FHIT: variants seen among roughly 807,000 people sequenced by gnomAD.
The protein encoded by FHIT is fragile histidine triad diadenosine triphosphatase, also known as bis(5'-adenosyl)-triphosphatase.
Under a neutral mutation model 17.9 loss-of-function variants are expected in FHIT, and 19 were observed. That is an observed-to-expected ratio of 1.06 (90% CI 0.74 to 1.56). FHIT has a LOEUF of 1.56. Among genes scored for constraint, FHIT ranks in the 40% most tolerant of loss-of-function variants. The pLI is 0.00. For missense variants in FHIT, 248 were observed against 189.2 expected, an observed-to-expected ratio of 1.31 and a Z score of -1.82; for synonymous variants, 81 against 69.7, an observed-to-expected ratio of 1.16 and a Z score of -0.81.
At chr3:59,868,774 G>T (rs1702775485) in intron 8 of FHIT, among the ~76,000 whole-genome samples, 1 of 152,190 alleles carries the variant, frequency 6.6e-6, no homozygotes. Flanking sequence ...GGAGGAAGTA[G>T]ATGGTTTTAA....
rs540110352 is a variant in FHIT, at chr3:60,670,533, A to G, written c.-17-133554T>C. 2.0e-5 allele frequency among the ~76,000 whole-genome samples: 3 copies of G among 152,318 alleles called. No individual in the cohort carries two copies. In the East Asian group the frequency reaches 5.8e-4, roughly 29 times the overall value. On this transcript the variant is annotated intron_variant, in intron 4 of 9. Coordinates refer to ENST00000492590, the MANE Select transcript of FHIT (RefSeq NM_002012.4). ...GTACATTCTATGTAGAGGATTTTCCATTACTGGTTACACTTAATACACAGG... is the reference window on the plus strand; with the variant it reads ...GTACATTCTATGTAGAGGATTTTCCGTTACTGGTTACACTTAATACACAGG...
chr3:60,529,582 C>T (rs78569995), intron 5 of FHIT, among the ~76,000 whole-genome samples: 2,551 of 152,210 alleles, frequency 0.017, 33 homozygotes, highest in Non-Finnish European at 0.024. Flanking sequence ...TTAGCAAGTG[C>T]GATGCCTGCA....
At chr3:60,390,164 A>C (rs1701163170) in intron 5 of FHIT, among the ~76,000 whole-genome samples, 1 of 152,156 alleles carries the variant, frequency 6.6e-6, no homozygotes, top group Non-Finnish European at 1.5e-5. Context: ...CACTTGTTTT[A>C]AATTTGTCAA....
At chr3:60,628,437 C>G (rs1442848350) in intron 4 of FHIT, among the ~76,000 whole-genome samples, 1 of 152,144 alleles carries the variant, frequency 6.6e-6, no homozygotes, top group Non-Finnish European at 1.5e-5. Context: ...TCTGATATTT[C>G]TGTTGTCTGC....
chr3:60,625,430 T>C (rs1035501362), intron 4 of FHIT, among the ~76,000 whole-genome samples: 4 of 152,180 alleles, frequency 2.6e-5, no homozygotes, highest in Non-Finnish European at 5.9e-5. Context: ...AGTTCCTCTA[T>C]GTCTTCTTTT....
At chr3:60,946,519 G>A (rs1575734334) in intron 3 of FHIT, among the ~76,000 whole-genome samples, 1 of 152,172 alleles carries the variant, frequency 6.6e-6, no homozygotes, top group East Asian at 1.9e-4. Flanking sequence ...ATATTTGCAA[G>A]TGAGAAACTC....
chr3:60,431,883 C>T (rs374823739), intron 5 of FHIT, among the ~76,000 whole-genome samples: 3 of 152,172 alleles, frequency 2.0e-5, no homozygotes, highest in African/African-American at 7.2e-5. Flanking sequence ...TGGTCTCCTG[C>T]ATAGTTTTAT....
At chr3:59,984,821 G>C (rs1023785100) in intron 7 of FHIT, among the ~76,000 whole-genome samples, 7 of 152,054 alleles carry the variant, frequency 4.6e-5, no homozygotes, top group Non-Finnish European at 8.8e-5. Context: ...ACAACTGGGC[G>C]GGGCAGGGGC....
chr3:61,216,821 A>T (rs1459425192), intron 1 of FHIT, among the ~76,000 whole-genome samples: 1 of 152,236 alleles, frequency 6.6e-6, no homozygotes, highest in African/African-American at 2.4e-5. Context: ...TCCATAAAAA[A>T]TGATGAGTTC....
chr3:60,381,292 G>C (rs1413001695), intron 5 of FHIT, among the ~76,000 whole-genome samples: 1 of 151,850 alleles, frequency 6.6e-6, no homozygotes, highest in Non-Finnish European at 1.5e-5. Flanking sequence ...AGCCTCGCCA[G>C]CATGTTGAAA....
At chr3:59,814,902 T>C (rs1257341935) in intron 8 of FHIT, among the ~76,000 whole-genome samples, 1 of 152,128 alleles carries the variant, frequency 6.6e-6, no homozygotes. Context: ...AAATATAAGA[T>C]CATTGCACTG....
At chr3:61,170,680 C>T (rs1309809114) in intron 2 of FHIT, among the ~76,000 whole-genome samples, 6 of 152,122 alleles carry the variant, frequency 3.9e-5, no homozygotes, top group African/African-American at 7.2e-5. Flanking sequence ...CATCTCCATC[C>T]GTGTTCCTGC....
At chr3:61,088,557 G>A (rs989573323) in intron 2 of FHIT, among the ~76,000 whole-genome samples, 1 of 152,068 alleles carries the variant, frequency 6.6e-6, no homozygotes, top group Non-Finnish European at 1.5e-5. Flanking sequence ...AATTTTGCAA[G>A]GCAAGTCATC....
chr3:60,138,049 T>C (rs138547577), intron 5 of FHIT, among the ~76,000 whole-genome samples: 9 of 152,298 alleles, frequency 5.9e-5, no homozygotes, highest in African/African-American at 1.9e-4. Context: ...GCAGTAAATA[T>C]CCATTTTAAA....
At chr3:60,464,515 C>T (rs2032672325) in intron 5 of FHIT, among the ~76,000 whole-genome samples, 1 of 151,876 alleles carries the variant, frequency 6.6e-6, no homozygotes, top group Non-Finnish European at 1.5e-5. Flanking sequence ...CCCCAACTAC[C>T]CTTCCCAGCT....
chr3:60,526,604 T>C (rs923385926), intron 5 of FHIT, among the ~76,000 whole-genome samples: 55 of 152,304 alleles, frequency 3.6e-4, no homozygotes, highest in African/African-American at 1.3e-3. Flanking sequence ...CTTGCTCTGC[T>C]ACTACAGGCC....
intron 5 of FHIT, among the ~76,000 whole-genome samples, chr3:60,354,781 C>T (rs191529088): frequency 1.3e-4 from 20 of 152,194 alleles, no homozygotes; most frequent in African/African-American, 4.6e-4. Flanking sequence ...TAAATATAAA[C>T]CATTATCTTA....
intron 5 of FHIT, among the ~76,000 whole-genome samples, chr3:60,068,542 A>C (rs1702621339): frequency 6.6e-6 from 1 of 152,232 alleles, no homozygotes; most frequent in Non-Finnish European, 1.5e-5. Flanking sequence ...TACAAATGGC[A>C]GGGAAGTGGT....
At chr3:60,592,541 G>T (rs1438529228) in intron 4 of FHIT, among the ~76,000 whole-genome samples, 5 of 152,066 alleles carry the variant, frequency 3.3e-5, no homozygotes, top group African/African-American at 4.8e-5. Context: ...CCTCTGTGAT[G>T]GTTCTTATTC....
Sources: gnomAD v4.1 joint callset for allele counts (sites outside exome capture counted in the v4.1 genomes callset) on GRCh38, gnomAD v4.1.1 for gene constraint, MANE v1.5 for transcripts, NCBI Gene and HGNC (gene_info 2026-07-23, HGNC 2026-07-21) for gene names.